Variants in CA10 observed in about 807,000 individuals in gnomAD.
The protein encoded by CA10 is carbonic anhydrase 10 (inactive).
A neutral mutation model predicts 44.2 loss-of-function variants in CA10; 14 were observed. The ratio of observed to expected loss-of-function variants is 0.32; its 90% CI spans 0.21 to 0.50. The LOEUF is 0.50. Among genes scored for constraint, CA10 ranks in the 20% least tolerant of loss-of-function variants. CA10 has a pLI of 0.99. For missense variants in CA10, 350 were observed against 409.7 expected (o/e 0.85, Z 1.26); for synonymous variants, 159 against 141.6 (o/e 1.12, Z -0.87).
At chr17:51,896,248 C>A (rs1342735075) in intron 3 of CA10, among the ~76,000 whole-genome samples, 1 of 152,040 alleles carries the variant, frequency 6.6e-6, no homozygotes, top group Non-Finnish European at 1.5e-5. Context: ...CTGTCCCCCT[C>A]TACCCTCAAG....
In CA10 at chr17:52,158,316, C is replaced by G. The variant is rs978237259; in HGVS notation, c.-530G>C. On this transcript the variant is annotated 5_prime_UTR_variant, in exon 1 of 9. Coordinates refer to ENST00000451037, the MANE Select transcript of CA10 (RefSeq NM_020178.5). The stretch of plus-strand genomic sequence containing the variant: ...GCAAGTTGCCCTCGAAGTCCGCCCC[C>G]CTCACCGGGGCATGGTCGGAGGGTG... 3 of 200,052 alleles carry G rather than the reference C, an allele frequency of 1.5e-5. No individual in the cohort carries two copies. The highest frequency in any genetic ancestry group is 1.7e-4 in the South Asian group (2 of 11,996). The allele number at this position is 200,052 out of a possible 1,614,324, so 12.4% of individuals were successfully genotyped here. A position where few individuals can be genotyped will look rare whatever the true frequency, so the allele number is the denominator to read the frequency against.
intron 3 of CA10, among the ~76,000 whole-genome samples, chr17:51,837,622 C>A (rs184435473): frequency 1.3e-5 from 2 of 152,292 alleles, no homozygotes; most frequent in Non-Finnish European, 2.9e-5. Flanking sequence ...TCCCTGAAAG[C>A]ATTAGCTGGA....
At chr17:51,863,662 G>A (rs62063223) in intron 3 of CA10, among the ~76,000 whole-genome samples, 4,340 of 152,100 alleles carry the variant, frequency 0.029, 99 homozygotes, top group African/African-American at 0.06. Context: ...TGGTCCCCAC[G>A]GACACCCTCA....
intron 2 of CA10, among the ~76,000 whole-genome samples, chr17:51,954,261 TTTA>T (rs1255147409): frequency 1.3e-5 from 2 of 152,174 alleles, no homozygotes; most frequent in African/African-American, 2.4e-5. Flanking sequence ...CTCCTAAATT[TTTA>T]TTGTTTTGAG....
At chr17:51,909,143 C>T in intron 3 of CA10, among the ~76,000 whole-genome samples, 1 of 152,152 alleles carries the variant, frequency 6.6e-6, no homozygotes, top group East Asian at 1.9e-4. Flanking sequence ...GCAGGCACTT[C>T]CTCGTCACAG....
intron 2 of CA10, among the ~76,000 whole-genome samples, chr17:52,002,461 A>T (rs1450056189): frequency 6.6e-5 from 10 of 151,950 alleles, no homozygotes; most frequent in Non-Finnish European, 1.5e-4. Flanking sequence ...GTCATCGAAC[A>T]GAGAATGTAG....
chr17:51,802,641 T>C (rs1906980124), intron 3 of CA10, among the ~76,000 whole-genome samples: 1 of 150,462 alleles, frequency 6.6e-6, no homozygotes, highest in South Asian at 2.1e-4. Context: ...GAATTAATCC[T>C]GAAGTTGGGA....
At chr17:51,741,393 T>C (rs1904454874) in intron 4 of CA10, among the ~76,000 whole-genome samples, 1 of 152,212 alleles carries the variant, frequency 6.6e-6, no homozygotes, top group East Asian at 1.9e-4. Context: ...TTCCAGAACA[T>C]GTCTTAGTAG....
At chr17:52,027,344 C>A (rs967085191) in intron 2 of CA10, among the ~76,000 whole-genome samples, 2 of 152,056 alleles carry the variant, frequency 1.3e-5, no homozygotes, top group African/African-American at 4.8e-5. Flanking sequence ...CCTAACAGGC[C>A]TCTGACTGGT....
chr17:51,789,886 G>C (rs561906354), intron 3 of CA10, among the ~76,000 whole-genome samples: 1 of 152,342 alleles, frequency 6.6e-6, no homozygotes, highest in South Asian at 2.1e-4. Context: ...TGTGGAGATG[G>C]CTCACTAAGG....
chr17:51,989,252 T>G (rs1350322805), intron 2 of CA10, among the ~76,000 whole-genome samples: 3 of 151,932 alleles, frequency 2.0e-5, no homozygotes, highest in African/African-American at 7.2e-5. Flanking sequence ...TACAGATTAT[T>G]TCATCACCCA....
intron 3 of CA10, among the ~76,000 whole-genome samples, chr17:51,882,241 A>G (rs867889711): frequency 6.6e-6 from 1 of 152,276 alleles, no homozygotes; most frequent in African/African-American, 2.4e-5. Flanking sequence ...ATAGCTATTT[A>G]TATATACAAA....
intron 3 of CA10, among the ~76,000 whole-genome samples, chr17:51,786,410 G>C (rs1906285016): frequency 6.6e-6 from 1 of 152,100 alleles, no homozygotes; most frequent in Non-Finnish European, 1.5e-5. Flanking sequence ...AAATTAGACA[G>C]GCATGGTGAT....
At chr17:51,696,905 T>C (rs1915421721) in intron 4 of CA10, among the ~76,000 whole-genome samples, 1 of 152,218 alleles carries the variant, frequency 6.6e-6, no homozygotes, top group South Asian at 2.1e-4. Flanking sequence ...AACTGTATTC[T>C]TCTGCACAGC....
intron 2 of CA10, among the ~76,000 whole-genome samples, chr17:51,981,752 TTC>T (rs1984661616): frequency 6.6e-6 from 1 of 152,072 alleles, no homozygotes; most frequent in African/African-American, 2.4e-5. Flanking sequence ...GCCATTTAAT[TTC>T]TTTTCTCCCC....
intron 3 of CA10, among the ~76,000 whole-genome samples, chr17:51,804,714 G>A (rs1352334535): frequency 6.6e-6 from 1 of 152,208 alleles, no homozygotes; most frequent in Non-Finnish European, 1.5e-5. Flanking sequence ...GAAAATGGAG[G>A]AGGGGGCCTG....
At chr17:52,154,637 G>C (rs926386771) in intron 1 of CA10, among the ~76,000 whole-genome samples, 3 of 152,052 alleles carry the variant, frequency 2.0e-5, no homozygotes, top group African/African-American at 7.2e-5. Flanking sequence ...TTCTGTCTCT[G>C]ATCTCTTCAC....
chr17:51,762,816 TG>T (rs1178414062), intron 3 of CA10: 1 of 152,176 alleles, frequency 6.6e-6, no homozygotes, highest in Non-Finnish European at 1.5e-5. Context: ...CCCTTTCCAC[TG>T]CAAAATGAAA....
chr17:51,891,903 G>A (rs180886752), intron 3 of CA10, among the ~76,000 whole-genome samples: 24 of 152,308 alleles, frequency 1.6e-4, no homozygotes, highest in African/African-American at 3.8e-4. Flanking sequence ...ACATCTCACC[G>A]GTGAGGAATG....
Sources: allele counts gnomAD v4.1 joint callset (sites outside exome capture counted in the v4.1 genomes callset), GRCh38; gene constraint gnomAD v4.1.1; transcripts MANE v1.5; gene names NCBI Gene and HGNC (gene_info 2026-07-23, HGNC 2026-07-21).